The following ALK variants were observed in gnomAD, a reference collection of about 807,000 sequenced individuals.
The protein encoded by ALK is ALK tyrosine kinase receptor.
ALK carries 74 observed loss-of-function variants against 163.1 expected under a neutral mutation model. The observed-to-expected ratio is 0.45, with a 90% CI of 0.38 to 0.55. The LOEUF (loss-of-function observed/expected upper bound fraction) is 0.55. Among genes scored for constraint, ALK ranks in the 20% least tolerant of loss-of-function variants. The pLI, the probability that ALK is intolerant of heterozygous loss-of-function variation, is 0.00. For missense variants in ALK, 2,063 were observed against 2,105.3 expected, an observed-to-expected ratio of 0.98 and a Z score of 0.39; for synonymous variants, 960 against 843.2, an observed-to-expected ratio of 1.14 and a Z score of -2.40.
chr2:29,706,287 C>T (rs1327417546), intron 2 of ALK, among the ~76,000 whole-genome samples: 1 of 152,256 alleles, frequency 6.6e-6, no homozygotes, highest in East Asian at 1.9e-4. Flanking sequence ...AGCCCAGGCT[C>T]CGATGATTAG....
Position 29,920,742 on chromosome 2 carries a change from A to T in ALK, c.-83T>A, listed in dbSNP as rs551462419. ...CCCGAGATGGGAAGAGGCTCTGAAC[A>T]GTCCTTGGTACCCAGCGGCTCCTTC... On this transcript the variant is annotated 5_prime_UTR_variant, in exon 1 of 29. Transcript: ENST00000389048. The T allele has an allele frequency of 1.6e-6, 2 of 1,266,116 alleles. No individual in the cohort carries two copies. Among genetic ancestry groups the T allele is most frequent in the African/African-American group, 1.5e-5 (1 of 67,468 alleles). The allele number at this position is 1,266,116 out of a possible 1,614,324, so 78.4% of individuals were successfully genotyped here.
chr2:29,900,741 G>C (rs1164910869), intron 1 of ALK, among the ~76,000 whole-genome samples: 1 of 152,152 alleles, frequency 6.6e-6, no homozygotes, highest in African/African-American at 2.4e-5. Context: ...TTGACGCTCT[G>C]CTGCTTCATC....
intron 1 of ALK, among the ~76,000 whole-genome samples, chr2:29,734,488 A>T (rs1007864107): frequency 1.3e-5 from 2 of 152,192 alleles, no homozygotes; most frequent in African/African-American, 2.4e-5. Flanking sequence ...GAGGGAGACA[A>T]AACTAGTTCA....
chr2:29,310,024 T>C (rs928628150), intron 8 of ALK, among the ~76,000 whole-genome samples: 3 of 152,222 alleles, frequency 2.0e-5, no homozygotes, highest in Admixed American at 2.0e-4. Context: ...TTTCCTCTGA[T>C]CCTGGTAACA....
intron 4 of ALK, among the ~76,000 whole-genome samples, chr2:29,402,887 C>T (rs1031255695): frequency 2.6e-5 from 4 of 152,102 alleles, no homozygotes; most frequent in South Asian, 4.1e-4. Context: ...CCTCCCTACC[C>T]CCTCTTTGTT....
At chr2:29,220,153 C>G (rs1440971269) in intron 23 of ALK, among the ~76,000 whole-genome samples, 1 of 152,112 alleles carries the variant, frequency 6.6e-6, no homozygotes, top group South Asian at 2.1e-4. Context: ...GAATTGTAAT[C>G]CCTAGTGTTG....
At chr2:29,720,406 C>T (rs1679387524) in intron 1 of ALK, among the ~76,000 whole-genome samples, 1 of 152,176 alleles carries the variant, frequency 6.6e-6, no homozygotes, top group African/African-American at 2.4e-5. Context: ...AAAGTCTTAA[C>T]TTGCCCTTAC....
At chr2:29,829,583 T>A (rs1665305419) in intron 1 of ALK, among the ~76,000 whole-genome samples, 1 of 152,212 alleles carries the variant, frequency 6.6e-6, no homozygotes, top group African/African-American at 2.4e-5. Flanking sequence ...ACCAATTATT[T>A]AGAATCAGAC....
rs565826139 is a variant in ALK at position 29,899,147 on chromosome 2, C to T, written c.667+20846G>A. Among the ~76,000 whole-genome samples, 18 of 152,244 alleles carry T rather than the reference C, an allele frequency of 1.2e-4. No individual in the cohort carries two copies. The South Asian group carries it at 3.7e-3, about 32-fold the overall frequency. ...TGAATGAGAAACTCTGGGGATGGGG[C>T]CCAGCAATGCCTGTGTTAACAAACC... On this transcript the variant is annotated intron_variant, in intron 1 of 28. Coordinates refer to ENST00000389048, the MANE Select transcript of ALK (RefSeq NM_004304.5).
chr2:29,330,725 T>A, intron 5 of ALK, among the ~76,000 whole-genome samples: 1 of 152,022 alleles, frequency 6.6e-6, no homozygotes. Flanking sequence ...GGCAATGTGA[T>A]CACCAGACAA....
rs1184219671 is a variant in ALK at position 29,332,466 on chromosome 2, C to G, written c.1283-3985G>C. Among the ~76,000 whole-genome samples the G allele has an allele frequency of 2.0e-5, 3 of 152,110 alleles. No homozygotes were observed. The South Asian group carries it at 6.2e-4, about 32-fold the overall frequency. The stretch of plus-strand genomic sequence containing the variant: ...GAGGTCTTACAGCTTCTTTTACTTT[C>G]CTTCATTCTAAAAACAGAATCCAAT... On this transcript the variant is annotated intron_variant, in intron 5 of 28. Transcript: ENST00000389048.
intron 4 of ALK, among the ~76,000 whole-genome samples, chr2:29,388,901 A>G (rs1321814334): frequency 6.6e-6 from 1 of 152,214 alleles, no homozygotes; most frequent in Non-Finnish European, 1.5e-5. Flanking sequence ...ATTATGTTAG[A>G]ACATCCCTAC....
At chr2:29,695,793 T>G (rs1230274680) in intron 2 of ALK, among the ~76,000 whole-genome samples, 1 of 152,066 alleles carries the variant, frequency 6.6e-6, no homozygotes, top group Non-Finnish European at 1.5e-5. Context: ...ATTAGAGAAA[T>G]GCAAATCAAA....
intron 4 of ALK, among the ~76,000 whole-genome samples, chr2:29,427,470 A>G (rs1670172399): frequency 6.6e-6 from 1 of 152,142 alleles, no homozygotes; most frequent in African/African-American, 2.4e-5. Context: ...AATTAAGTTA[A>G]TATAAATCTA....
intron 1 of ALK, among the ~76,000 whole-genome samples, chr2:29,814,399 A>C (rs1016964857): frequency 3.3e-5 from 5 of 151,552 alleles, no homozygotes; most frequent in African/African-American, 1.2e-4. Flanking sequence ...GGTGGCTCAC[A>C]CCTGTAATCC....
At chr2:29,511,134 T>C (rs1558358928) in intron 4 of ALK, among the ~76,000 whole-genome samples, 2 of 152,210 alleles carry the variant, frequency 1.3e-5, no homozygotes, top group East Asian at 3.8e-4. Flanking sequence ...GCAAAACTTA[T>C]GTGCAATAAA....
Position 29,694,960 on chromosome 2 carries a change from T to G in ALK, c.842A>C (p.His281Pro), listed in dbSNP as rs1678510762. 2 of 1,614,090 alleles carry G rather than the reference T, an allele frequency of 1.2e-6. No homozygotes were observed. Among genetic ancestry groups the G allele is most frequent in the African/African-American group, 1.3e-5 (1 of 75,046 alleles). The change falls in exon 3 of 29, where the codon CAT becomes CCT. Residue 281 changes from histidine (H) to proline (P), a missense_variant. Physicochemically the swap from His to Pro is moderately conservative, Grantham distance 77. Coordinates refer to ENST00000389048, the MANE Select transcript of ALK (RefSeq NM_004304.5). Reference sequence around the variant, plus strand: ...GGACCAGCTCTGGTTCCTGAGGTCATGCAGTGGAGGGGAATACTCCAGCTC... The same window carrying G: ...GGACCAGCTCTGGTTCCTGAGGTCAGGCAGTGGAGGGGAATACTCCAGCTC... The part of the protein sequence containing the change: ...PCELEYSPPL[H>P]DLRNQSWSWR...
intron 5 of ALK, among the ~76,000 whole-genome samples, chr2:29,376,765 A>G (rs958405155): frequency 1.3e-5 from 2 of 152,158 alleles, no homozygotes; most frequent in Non-Finnish European, 2.9e-5. Flanking sequence ...TCCCTCATTT[A>G]CCCAGCTGGA....
At chr2:29,831,018 G>T (rs1665377199) in intron 1 of ALK, among the ~76,000 whole-genome samples, 1 of 44,960 alleles carries the variant, frequency 2.2e-5, no homozygotes, top group South Asian at 1.2e-3. Flanking sequence ...AGAAGGGGAA[G>T]AGGAAGGGGA....
Sources: gnomAD v4.1 joint callset for allele counts (sites outside exome capture counted in the v4.1 genomes callset) on GRCh38, gnomAD v4.1.1 for gene constraint, MANE v1.5 for transcripts, NCBI Gene and HGNC (gene_info 2026-07-23, HGNC 2026-07-21) for gene names.